WWOX: variants seen among roughly 807,000 people sequenced by gnomAD.
The protein encoded by WWOX is WW domain containing oxidoreductase, also known as WW domain-containing oxidoreductase.
In WWOX, 69 loss-of-function variants were observed where a neutral mutation model predicts 46.2. The ratio of observed to expected loss-of-function variants is 1.49; its 90% confidence interval spans 1.23 to 1.82. The LOEUF is 1.82. Ranked by LOEUF, WWOX falls within the 40% of genes most tolerant of loss-of-function variation. The pLI is 0.00. For missense variants in WWOX, 919 were observed against 542.6 expected (o/e 1.69, Z -6.89); for synonymous variants, 359 against 202.6 (o/e 1.77, Z -6.56).
intron 8 of WWOX, among the ~76,000 whole-genome samples, chr16:79,026,107 GC>G (rs1880869230): frequency 1.3e-5 from 2 of 151,390 alleles, no homozygotes; most frequent in East Asian, 1.9e-4. Context: ...AGCCCCTGTT[GC>G]CCTTTTCAAA....
rs544723841 is a variant in WWOX at position 78,790,539 on chromosome 16, C to T, written c.1056+357787C>T. ...GAGTTCAGCCAAAAGAGACCAGTATCTACTACCGTGGACAACCCTATTTAA... is the reference window on the plus strand; with the variant it reads ...GAGTTCAGCCAAAAGAGACCAGTATTTACTACCGTGGACAACCCTATTTAA... On this transcript the variant is annotated intron_variant, in intron 8 of 8. Coordinates refer to ENST00000566780, the MANE Select transcript of WWOX (RefSeq NM_016373.4). Among the ~76,000 whole-genome samples, 4 of 152,310 alleles carry T rather than the reference C, an allele frequency of 2.6e-5. No individual in the cohort carries two copies. The South Asian group carries it at 8.3e-4, about 32-fold the overall frequency.
intron 8 of WWOX, among the ~76,000 whole-genome samples, chr16:78,731,524 C>T (rs1173205699): frequency 6.6e-6 from 1 of 152,032 alleles, no homozygotes; most frequent in Non-Finnish European, 1.5e-5. Flanking sequence ...TTCCTTTTTC[C>T]TTTCATTCCT....
At chr16:78,881,104 A>C (rs533500847) in intron 8 of WWOX, among the ~76,000 whole-genome samples, 8 of 148,102 alleles carry the variant, frequency 5.4e-5, no homozygotes, top group South Asian at 4.2e-4. Flanking sequence ...TGATCCTCCT[A>C]CCTCAGCCTC....
At position 78,807,435 on chromosome 16, in the gene WWOX, C is replaced by G. The variant is rs192316846; in HGVS notation, c.1056+374683C>G. ...TGATGTTTTATGATTGTTTTAAGGT[C>G]CATTAATCGCTGAATCATGAGGCCA... On this transcript the variant is annotated intron_variant, in intron 8 of 8. Transcript: ENST00000566780. Among the ~76,000 whole-genome samples the G allele has an allele frequency of 6.6e-5, 10 of 152,300 alleles. No individual in the cohort carries two copies. The East Asian group carries it at 1.9e-3, about 29-fold the overall frequency.
At chr16:78,959,179 A>G (rs1283902659) in intron 8 of WWOX, among the ~76,000 whole-genome samples, 1 of 152,210 alleles carries the variant, frequency 6.6e-6, no homozygotes, top group Non-Finnish European at 1.5e-5. Flanking sequence ...TCAATGGGCC[A>G]TCTCTACGTC....
intron 8 of WWOX, among the ~76,000 whole-genome samples, chr16:78,838,244 C>G (rs528440425): frequency 4.6e-5 from 7 of 152,092 alleles, no homozygotes; most frequent in Admixed American, 4.6e-4. Flanking sequence ...CTTGGTCATT[C>G]CCAGGAAGCA....
intron 1 of WWOX, among the ~76,000 whole-genome samples, chr16:78,103,567 C>G (rs919424483): frequency 2.6e-5 from 4 of 152,082 alleles, no homozygotes; most frequent in Non-Finnish European, 4.4e-5. Context: ...CCATCCTAAC[C>G]CGACATTCCC....
chr16:78,717,707 T>A lies in WWOX; in HGVS notation c.1056+284955T>A, dbSNP rs187251179. ...TGAAGGGCAAGACTTCATTGCTTCTTTGATACTCCAATGCCGGCTTCCTTT... is the reference window on the plus strand; with the variant it reads ...TGAAGGGCAAGACTTCATTGCTTCTATGATACTCCAATGCCGGCTTCCTTT... On this transcript the variant is annotated intron_variant, in intron 8 of 8. Coordinates refer to ENST00000566780, the MANE Select transcript of WWOX (RefSeq NM_016373.4). Among the ~76,000 whole-genome samples, 589 of 152,322 alleles carry A rather than the reference T, an allele frequency of 3.9e-3. 2 individuals carry two copies. The highest frequency in any genetic ancestry group is 0.014 in the African/African-American group (568 of 41,574).
intron 8 of WWOX, among the ~76,000 whole-genome samples, chr16:78,583,588 C>T (rs777540518): frequency 2.6e-5 from 4 of 152,132 alleles, no homozygotes; most frequent in Non-Finnish European, 5.9e-5. Context: ...ATGTCAGGGT[C>T]CCCCATTCAT....
chr16:78,244,239 A>G (rs2037747558), intron 5 of WWOX, among the ~76,000 whole-genome samples: 6 of 152,230 alleles, frequency 3.9e-5, no homozygotes, highest in Admixed American at 3.9e-4. Context: ...GGAGTATGTG[A>G]AGCAGTACAT....
chr16:79,024,701 C>T (rs2047602927), intron 8 of WWOX, among the ~76,000 whole-genome samples: 1 of 152,124 alleles, frequency 6.6e-6, no homozygotes, highest in Non-Finnish European at 1.5e-5. Flanking sequence ...TCCCAAAGTG[C>T]TGGGATTACA....
intron 8 of WWOX, among the ~76,000 whole-genome samples, chr16:78,690,380 G>GT (rs2047958030): frequency 6.6e-6 from 1 of 152,042 alleles, no homozygotes; most frequent in African/African-American, 2.4e-5. Context: ...GTGAGACCCC[G>GT]TATCTACAAA....
intron 5 of WWOX, among the ~76,000 whole-genome samples, chr16:78,336,955 T>C (rs576031326): frequency 1.0e-3 from 157 of 150,690 alleles, no homozygotes; most frequent in African/African-American, 3.7e-3. Context: ...ATTTTTTGTA[T>C]TTTTTAGTAC....
chr16:79,052,815 T>C (rs1467763548), intron 8 of WWOX, among the ~76,000 whole-genome samples: 1 of 152,204 alleles, frequency 6.6e-6, no homozygotes, highest in Admixed American at 6.5e-5. Context: ...GCTATTTCTT[T>C]ATGGCACTGA....
chr16:79,138,436 C>G (rs1567575910), intron 8 of WWOX, among the ~76,000 whole-genome samples: 1 of 152,200 alleles, frequency 6.6e-6, no homozygotes, highest in Non-Finnish European at 1.5e-5. Context: ...ATCACCTCCT[C>G]TATGAAGTCT....
intron 8 of WWOX, among the ~76,000 whole-genome samples, chr16:78,862,137 T>G (rs896793311): frequency 6.6e-6 from 1 of 151,954 alleles, no homozygotes; most frequent in Non-Finnish European, 1.5e-5. Context: ...TATCTATATC[T>G]ATACACACCT....
In WWOX at chr16:79,076,785, A is replaced by T. The variant is rs571529197; in HGVS notation, c.1057-134823A>T. On this transcript the variant is annotated intron_variant, in intron 8 of 8. Transcript: ENST00000566780. ...TCCTGACCTGCAGAATGGGAATAAG[A>T]ATACCTAGCACATAGGGTTATAATG... 2.4e-4 allele frequency among the ~76,000 whole-genome samples: 37 copies of T among 152,376 alleles called. 1 individual carries two copies. The South Asian group carries it at 7.7e-3, about 32-fold the overall frequency.
At chr16:78,173,536 G>A (rs977306256) in intron 5 of WWOX, among the ~76,000 whole-genome samples, 3 of 150,770 alleles carry the variant, frequency 2.0e-5, no homozygotes, top group Non-Finnish European at 4.4e-5. Context: ...CTGCTCAGGC[G>A]ATCCTCCTGC....
At chr16:78,309,716 T>C (rs61586571) in intron 5 of WWOX, among the ~76,000 whole-genome samples, 9,316 of 152,224 alleles carry the variant, frequency 0.061, 781 homozygotes, top group African/African-American at 0.19. Flanking sequence ...TCAATCAACG[T>C]ACGTGACTAC....
Sources: gnomAD v4.1 joint callset for allele counts (sites outside exome capture counted in the v4.1 genomes callset) on GRCh38, gnomAD v4.1.1 for gene constraint, MANE v1.5 for transcripts, NCBI Gene and HGNC (gene_info 2026-07-23, HGNC 2026-07-21) for gene names.